Variants in ITGA4 observed in about 807,000 individuals in gnomAD.
ITGA4 encodes integrin subunit alpha 4.
ITGA4 carries 63 observed loss-of-function variants against 133.6 expected under a neutral mutation model. The observed-to-expected ratio is 0.47, with a 90% CI of 0.38 to 0.58. The LOEUF (loss-of-function observed/expected upper bound fraction) is 0.58. Among genes scored for constraint, ITGA4 ranks in the 20% least tolerant of loss-of-function variants. ITGA4 has a pLI of 0.00. For missense variants in ITGA4, 1,076 were observed against 1,252.7 expected, an observed-to-expected ratio of 0.86 and a Z score of 2.13; for synonymous variants, 483 against 438.0, an observed-to-expected ratio of 1.10 and a Z score of -1.28.
At chr2:181,466,438 A>T (rs937826608) in intron 2 of ITGA4, among the ~76,000 whole-genome samples, 3 of 152,076 alleles carry the variant, frequency 2.0e-5, no homozygotes, top group African/African-American at 4.8e-5. Context: ...ACATTTTTTT[A>T]AAAAAACATA....
chr2:181,457,510 T>TC lies in ITGA4; in HGVS notation c.-142dup. 1 of 751,326 alleles carries TC rather than the reference T, an allele frequency of 1.3e-6. No homozygotes were observed. Among genetic ancestry groups the TC allele is most frequent in the South Asian group, 1.8e-5 (1 of 54,274 alleles). 46.5% of individuals were successfully genotyped at this position (751,326 alleles called of 1,614,324 possible). A position where few individuals can be genotyped will look rare whatever the true frequency, so the allele number is the denominator to read the frequency against. On this transcript the variant is annotated 5_prime_UTR_variant, in exon 1 of 28. Coordinates refer to ENST00000397033, the MANE Select transcript of ITGA4 (RefSeq NM_000885.6). ...GCGGTGGGCCGACTTCCCCTCCTCTTCCCTCTCTCCTTCCTTTAGCCCGCT... is the reference window on the plus strand; with the variant it reads ...GCGGTGGGCCGACTTCCCCTCCTCTTCCCCTCTCTCCTTCCTTTAGCCCGCT...
chr2:181,493,108 G>T (rs1402980565), intron 10 of ITGA4: 4 of 428,630 alleles, frequency 9.3e-6, no homozygotes, highest in Non-Finnish European at 4.1e-6. Flanking sequence ...CTGCCTCTCA[G>T]ATGCTTCCAC....
chr2:181,504,492 C>G (rs1023665376), intron 15 of ITGA4, among the ~76,000 whole-genome samples: 1 of 151,748 alleles, frequency 6.6e-6, no homozygotes, highest in Non-Finnish European at 1.5e-5. Flanking sequence ...GTCATTTACT[C>G]CAAAGAAGAA....
intron 25 of ITGA4, among the ~76,000 whole-genome samples, chr2:181,533,780 G>A (rs1308835232): frequency 6.6e-6 from 1 of 152,150 alleles, no homozygotes; most frequent in African/African-American, 2.4e-5. Context: ...ATGCACACAT[G>A]AAAACATCTC....
intron 10 of ITGA4, among the ~76,000 whole-genome samples, chr2:181,491,264 G>T (rs1373461829): frequency 0.014 from 4 of 280 alleles, 2 homozygotes; most frequent in East Asian, 1. Context: ...ATCGCCGGGC[G>T]CGGTGGCTCA....
rs73042873 is a variant in ITGA4 at position 181,458,370 on chromosome 2, C to T, written c.319+53C>T. ...GTGACCTCCCGACCCCCCATGTGGA[C>T]CCCACCATAGGGCAAGTCCTGGAAA... On this transcript the variant is annotated intron_variant, in intron 2 of 27. Transcript: ENST00000397033. The T allele has an allele frequency of 5.8e-4, 920 of 1,583,938 alleles. 7 individuals carry two copies. In the Middle Eastern group the frequency reaches 9.6e-3, roughly 17 times the overall value.
intron 4 of ITGA4, chr2:181,476,099 G>T: frequency 2.8e-6 from 1 of 357,370 alleles, no homozygotes; most frequent in East Asian, 4.5e-5. Context: ...TTTCTTCCTT[G>T]GAATGTGATG....
intron 2 of ITGA4, among the ~76,000 whole-genome samples, chr2:181,466,771 G>A (rs908024056): frequency 2.6e-5 from 4 of 152,192 alleles, no homozygotes; most frequent in Admixed American, 6.6e-5. Flanking sequence ...AAATTAAGGG[G>A]CCATTTTAAT....
intron 15 of ITGA4, among the ~76,000 whole-genome samples, chr2:181,503,352 C>T (rs771199812): frequency 6.6e-6 from 1 of 151,960 alleles, no homozygotes; most frequent in Non-Finnish European, 1.5e-5. Flanking sequence ...ACTAGAGGTG[C>T]ATTTTTAATA....
At chr2:181,458,388 C>T (rs368561660) in intron 2 of ITGA4, 71 bp downstream of exon 2, 534 of 1,547,660 alleles carry the variant, frequency 3.5e-4, no homozygotes, top group Non-Finnish European at 4.2e-4. Flanking sequence ...TAGGGCAAGT[C>T]CTGGAAAGAT....
In ITGA4 at chr2:181,536,656, T is replaced by C. The variant is rs931538219; in HGVS notation, c.*1129T>C. ...TCAATTTGTATACAGTGAATATAAA[T>C]GAGACGACAGCAAAATTTTCATGAA... On this transcript the variant is annotated 3_prime_UTR_variant, in exon 28 of 28. Transcript: ENST00000397033. The C allele has an allele frequency of 1.1e-5, 2 of 182,846 alleles. No homozygotes were observed. The highest frequency in any genetic ancestry group is 4.8e-5 in the African/African-American group (2 of 41,712). 11.3% of individuals were successfully genotyped at this position (182,846 alleles called of 1,614,324 possible). A position where few individuals can be genotyped will look rare whatever the true frequency, so the allele number is the denominator to read the frequency against.
chr2:181,510,453 G>A (rs1559051805), intron 16 of ITGA4, among the ~76,000 whole-genome samples: 1 of 151,988 alleles, frequency 6.6e-6, no homozygotes, highest in Non-Finnish European at 1.5e-5. Flanking sequence ...CAGACCTTTA[G>A]TGTCTATCAA....
Position 181,475,832 on chromosome 2 carries a change from A to T in ITGA4, c.556+544A>T, listed in dbSNP as rs1668596579. ...CTCTATGCTATAGGTAGCATCAGCAAGTACAGAGCTAGGACATAACAGAAG... is the reference window on the plus strand; with the variant it reads ...CTCTATGCTATAGGTAGCATCAGCATGTACAGAGCTAGGACATAACAGAAG... On this transcript the variant is annotated intron_variant, in intron 4 of 27. Coordinates refer to ENST00000397033, the MANE Select transcript of ITGA4 (RefSeq NM_000885.6). The T allele has an allele frequency of 3.1e-6, 5 of 1,603,530 alleles. No individual in the cohort carries two copies. In the South Asian group the frequency reaches 5.6e-5, roughly 18 times the overall value.
chr2:181,458,146 G>A (rs778459979), intron 1 of ITGA4, 50 bp from the exon 2 acceptor site: 1 of 1,610,796 alleles, frequency 6.2e-7, no homozygotes, highest in Non-Finnish European at 8.5e-7. Context: ...AGGGAGCTCA[G>A]TGGGCAGCAC....
Position 181,536,739 on chromosome 2 carries a change from T to G in ITGA4, c.*1212T>G, listed in dbSNP as rs542103149. 1 of 249,948 alleles carries G rather than the reference T, an allele frequency of 4.0e-6. No homozygotes were observed. The highest frequency in any genetic ancestry group is 1.0e-4 in the East Asian group (1 of 9,734). The allele number at this position is 249,948 out of a possible 1,614,324, so 15.5% of individuals were successfully genotyped here. On this transcript the variant is annotated 3_prime_UTR_variant, in exon 28 of 28. Transcript: ENST00000397033. The stretch of plus-strand genomic sequence containing the variant: ...TATGAGGTTCTATTTTAAATGACTT[T>G]CTGGATTTTAAAAAATTTCTTTAAA...
chr2:181,509,410 C>A (rs1012981690), intron 15 of ITGA4, among the ~76,000 whole-genome samples: 6 of 151,722 alleles, frequency 4.0e-5, no homozygotes, highest in Non-Finnish European at 2.9e-5. Flanking sequence ...AAGTACAGAA[C>A]TTTATAACTA....
At chr2:181,476,799 G>A (rs1281714231) in intron 4 of ITGA4, among the ~76,000 whole-genome samples, 2 of 152,118 alleles carry the variant, frequency 1.3e-5, no homozygotes, top group African/African-American at 2.4e-5. Context: ...AAAAAATAAC[G>A]AGATTATGTC....
intron 15 of ITGA4, among the ~76,000 whole-genome samples, chr2:181,507,736 C>G (rs952045255): frequency 6.6e-6 from 1 of 152,078 alleles, no homozygotes; most frequent in Non-Finnish European, 1.5e-5. Context: ...ACTTGTTATA[C>G]TGTATTAGTT....
rs927824441 is a variant in ITGA4, at chr2:181,478,844, C to T, written c.624+20C>T. The stretch of plus-strand genomic sequence containing the variant: ...ACAAAGGTAATTGTTCAAAAAATAG[C>T]TGCTATAAATGTTTACATATAGAAT... On this transcript the variant is annotated intron_variant, in intron 5 of 27. Coordinates refer to ENST00000397033, the MANE Select transcript of ITGA4 (RefSeq NM_000885.6). 7.8e-7 allele frequency: 1 copy of T among 1,288,810 alleles called. No homozygotes were observed. Among genetic ancestry groups the T allele is most frequent in the Non-Finnish European group, 1.1e-6 (1 of 948,356 alleles). 79.8% of individuals were successfully genotyped at this position (1,288,810 alleles called of 1,614,324 possible). A position where few individuals can be genotyped will look rare whatever the true frequency, so the allele number is the denominator to read the frequency against.
Sources: gnomAD v4.1 joint callset for allele counts (sites outside exome capture counted in the v4.1 genomes callset) on GRCh38, gnomAD v4.1.1 for gene constraint, MANE v1.5 for transcripts, NCBI Gene and HGNC (gene_info 2026-07-23, HGNC 2026-07-21) for gene names.